Variants in PLSCR4 observed in about 807,000 individuals in gnomAD.
PLSCR4 encodes phospholipid scramblase 4, also known as Ca(2+)-dependent phospholipid scramblase 4.
In PLSCR4, 25 loss-of-function variants were observed where a neutral mutation model predicts 36.3. The observed-to-expected ratio is 0.69, with a 90% CI of 0.50 to 0.96. The LOEUF (loss-of-function observed/expected upper bound fraction) is 0.96. PLSCR4 is among the 40% of genes least tolerant of loss of function. The pLI is 0.00. For synonymous variants in PLSCR4, 122 were observed against 132.9 expected (o/e 0.92, Z 0.56); for missense variants, 408 against 414.7 (o/e 0.98, Z 0.14).
At chr3:146,234,438 G>C (rs1436150998) in intron 1 of PLSCR4, among the ~76,000 whole-genome samples, 1 of 152,136 alleles carries the variant, frequency 6.6e-6, no homozygotes, top group East Asian at 1.9e-4. Flanking sequence ...GGAGAAAGCA[G>C]TAATTTTATC....
chr3:146,201,889 T>C (rs1434438007), intron 4 of PLSCR4, among the ~76,000 whole-genome samples: 1 of 152,044 alleles, frequency 6.6e-6, no homozygotes, highest in East Asian at 1.9e-4. Flanking sequence ...ACACACTGAT[T>C]ATATTTGTAT....
chr3:146,250,834 G>A (rs905128076), intron 1 of PLSCR4, 126 bp downstream of exon 1: 14 of 152,266 alleles, frequency 9.2e-5, no homozygotes, highest in Non-Finnish European at 1.9e-4. Context: ...AGGACGCCGC[G>A]CAACCTCCGC....
intron 1 of PLSCR4, among the ~76,000 whole-genome samples, chr3:146,225,795 G>A (rs530718848): frequency 2.6e-5 from 4 of 152,254 alleles, no homozygotes; most frequent in South Asian, 4.1e-4. Context: ...CGCGGTTGCC[G>A]CTGGCGCCTC....
Position 146,201,933 on chromosome 3 carries a change from T to TA in PLSCR4, c.355-857dup, listed in dbSNP as rs3840206. Among the ~76,000 whole-genome samples, 7 of 152,056 alleles carry TA rather than the reference T, an allele frequency of 4.6e-5. No homozygotes were observed. In the East Asian group the frequency reaches 1.4e-3, roughly 29 times the overall value. On this transcript the variant is annotated intron_variant, in intron 4 of 8. Coordinates refer to ENST00000354952, the MANE Select transcript of PLSCR4 (RefSeq NM_020353.3). Reference sequence around the variant, plus strand: ...ATCATTTAGACCATTAGACCATTCCTAATCCCTGAGCCCAGAACACTGCCT... The same window carrying TA: ...ATCATTTAGACCATTAGACCATTCCTAAATCCCTGAGCCCAGAACACTGCCT...
At chr3:146,241,974 A>C (rs2036167251) in intron 1 of PLSCR4, among the ~76,000 whole-genome samples, 1 of 152,194 alleles carries the variant, frequency 6.6e-6, no homozygotes, top group Non-Finnish European at 1.5e-5. Flanking sequence ...GCAGACTGCA[A>C]CTTGATTTGA....
At position 146,206,672 on chromosome 3, in the gene PLSCR4, G is replaced by C. The variant is rs1172472201; in HGVS notation, c.208C>G (p.Pro70Ala). The change falls in exon 4 of 9, where the codon CCT becomes GCT. Residue 70 changes from proline (P) to alanine (A), a missense_variant. Coordinates refer to ENST00000354952, the MANE Select transcript of PLSCR4 (RefSeq NM_020353.3). ...ATACCACCAACTGGCTGGTACAAAG[G>C]GAAGGTACTGGGTTGCTGTGGACTG... ...YYSPQQPSTF[P>A]LYQPVGGIHP... 6.2e-7 allele frequency: 1 copy of C among 1,613,336 alleles called. No homozygotes were observed. Among genetic ancestry groups the C allele is most frequent in the Non-Finnish European group, 8.5e-7 (1 of 1,179,654 alleles).
intron 3 of PLSCR4, among the ~76,000 whole-genome samples, chr3:146,209,423 A>G (rs1298891678): frequency 6.6e-6 from 1 of 152,122 alleles, no homozygotes; most frequent in Non-Finnish European, 1.5e-5. Flanking sequence ...TGGAAATAAA[A>G]TATTTTTTAA....
At chr3:146,200,795 T>C (rs567637398) in intron 5 of PLSCR4, among the ~76,000 whole-genome samples, 34 of 152,126 alleles carry the variant, frequency 2.2e-4, no homozygotes, top group African/African-American at 5.3e-4. Context: ...TGTAGGGCTA[T>C]TGACCAGATA....
At chr3:146,225,729 T>C (rs12487353) in intron 1 of PLSCR4, among the ~76,000 whole-genome samples, 113,221 of 152,090 alleles carry the variant, frequency 0.74, 42,529 homozygotes, top group South Asian at 0.81. Flanking sequence ...GCTCCGAGTG[T>C]GGGGCCCGCC....
At chr3:146,216,007 G>T (rs1482322998) in intron 3 of PLSCR4, among the ~76,000 whole-genome samples, 1 of 152,126 alleles carries the variant, frequency 6.6e-6, no homozygotes, top group Non-Finnish European at 1.5e-5. Flanking sequence ...GAGGTGAGTG[G>T]ATCACCTGAG....
chr3:146,236,930 A>G (rs1171192541), intron 1 of PLSCR4, among the ~76,000 whole-genome samples: 1 of 152,224 alleles, frequency 6.6e-6, no homozygotes, highest in Non-Finnish European at 1.5e-5. Context: ...AGACATATAG[A>G]AAACAAGTAG....
chr3:146,248,489 GAC>G lies in PLSCR4; in HGVS notation c.-22+2469_-22+2470del, dbSNP rs146267394. Reference sequence around the variant, plus strand: ...ATAATTACTACACTACACACACACAGACACACACACACACACACAGTGTTTCA... The same window carrying G: ...ATAATTACTACACTACACACACACAGACACACACACACACACAGTGTTTCA... On this transcript the variant is annotated intron_variant, in intron 1 of 8. Coordinates refer to ENST00000354952, the MANE Select transcript of PLSCR4 (RefSeq NM_020353.3). 3.1e-3 allele frequency among the ~76,000 whole-genome samples: 456 copies of G among 149,272 alleles called. 1 individual carries two copies. Among genetic ancestry groups the G allele is most frequent in the African/African-American group, 9.9e-3 (405 of 40,938 alleles).
At chr3:146,216,034 C>T (rs1191889136) in intron 3 of PLSCR4, among the ~76,000 whole-genome samples, 3 of 152,116 alleles carry the variant, frequency 2.0e-5, no homozygotes, top group Non-Finnish European at 4.4e-5. Context: ...AGTTTGAGAC[C>T]AGCCTGGCCA....
chr3:146,220,787 G>C (rs1576473298), intron 3 of PLSCR4, 28 bp downstream of exon 3: 1 of 1,347,012 alleles, frequency 7.4e-7, no homozygotes, highest in Non-Finnish European at 1.1e-6. Context: ...TAGCAAAGGA[G>C]AATATCTTTT....
chr3:146,211,557 C>T (rs1175028840), intron 3 of PLSCR4, among the ~76,000 whole-genome samples: 1 of 151,862 alleles, frequency 6.6e-6, no homozygotes. Context: ...TTATGAAGTC[C>T]AATTTATTTT....
intron 4 of PLSCR4, among the ~76,000 whole-genome samples, chr3:146,202,483 A>C (rs951890951): frequency 1.8e-4 from 28 of 152,086 alleles, no homozygotes; most frequent in Non-Finnish European, 3.2e-4. Context: ...GCTAACAATC[A>C]TCTGAGACTT....
At chr3:146,226,841 A>G (rs1448716824) in intron 1 of PLSCR4, among the ~76,000 whole-genome samples, 1 of 152,258 alleles carries the variant, frequency 6.6e-6, no homozygotes, top group Admixed American at 6.5e-5. Flanking sequence ...AAAGTATTAC[A>G]AAGCAACTAA....
intron 1 of PLSCR4, among the ~76,000 whole-genome samples, chr3:146,241,722 T>TCAACGTA (rs1447919969): frequency 1.3e-5 from 2 of 152,168 alleles, no homozygotes; most frequent in African/African-American, 4.8e-5. Flanking sequence ...ACCATTATTT[T>TCAACGTA]CAACGTACGG....
rs1235728710 is a variant in PLSCR4, at chr3:146,193,786, A to G, written c.*625T>C. ...TGAGAAAACAAGCATGGAATATATA[A>G]ACTTTAACATTAAAAAATGTTTTAT... On this transcript the variant is annotated 3_prime_UTR_variant, in exon 9 of 9. Coordinates refer to ENST00000354952, the MANE Select transcript of PLSCR4 (RefSeq NM_020353.3). 1 of 152,222 alleles carries G rather than the reference A, an allele frequency of 6.6e-6. No homozygotes were observed. The highest frequency in any genetic ancestry group is 1.5e-5 in the Non-Finnish European group (1 of 68,040). The allele number at this position is 152,222 out of a possible 1,614,324, so 9.4% of individuals were successfully genotyped here.
Sources: allele counts gnomAD v4.1 joint callset (sites outside exome capture counted in the v4.1 genomes callset), GRCh38; gene constraint gnomAD v4.1.1; transcripts MANE v1.5; gene names NCBI Gene and HGNC (gene_info 2026-07-23, HGNC 2026-07-21).